B4GALT2: variants seen among roughly 807,000 people sequenced by gnomAD.
B4GALT2 encodes N-acetyllactosamine synthase.
B4GALT2 carries 18 observed loss-of-function variants against 33.2 expected under a neutral mutation model. That is an observed-to-expected ratio of 0.54 (90% confidence interval 0.38 to 0.80). The LOEUF (loss-of-function observed/expected upper bound fraction) is 0.80, where lower values mean the gene tolerates loss of function less well. Ranked by LOEUF, B4GALT2 falls within the 30% of genes least tolerant of loss-of-function variation. B4GALT2 has a pLI of 0.00. For synonymous variants in B4GALT2, 214 were observed against 217.6 expected (o/e 0.98, Z 0.15); for missense variants, 404 against 526.2 (o/e 0.77, Z 2.27).
Position 43,980,471 on chromosome 1 carries a change from C to T in B4GALT2, c.-52-638C>T, listed in dbSNP as rs141307333. On this transcript the variant is annotated intron_variant, in intron 1 of 6. Coordinates refer to ENST00000372324, the MANE Select transcript of B4GALT2 (RefSeq NM_003780.5). ...TGTAAACATCCAGTCTGTATTTGGG[C>T]CCCCCGGATGCTGAGGGCAACTTCC... 198 of 844,606 alleles carry T rather than the reference C, an allele frequency of 2.3e-4. 1 individual carries two copies. The East Asian group carries it at 0.021, about 90-fold the overall frequency. 52.3% of individuals were successfully genotyped at this position (844,606 alleles called of 1,614,324 possible).
rs1246904715 is a variant in B4GALT2 at position 43,984,340 on chromosome 1, C to T, written c.550-525C>T. On this transcript the variant is annotated intron_variant, in intron 3 of 6. Coordinates refer to ENST00000372324, the MANE Select transcript of B4GALT2 (RefSeq NM_003780.5). The surrounding 1 kb of genome is among the most constrained non-coding windows in gnomAD (Gnocchi z 5.6). ...TTGTCTCACTGCATGACTCTATACACAGCAGGGAGGGGACCAGGGCTGGCC... is the reference window on the plus strand; with the variant it reads ...TTGTCTCACTGCATGACTCTATACATAGCAGGGAGGGGACCAGGGCTGGCC... Among the ~76,000 whole-genome samples the T allele has an allele frequency of 6.6e-6, 1 of 152,246 alleles. No individual in the cohort carries two copies. Among genetic ancestry groups the T allele is most frequent in the Non-Finnish European group, 1.5e-5 (1 of 68,042 alleles).
At chr1:43,985,450 G>A (rs755037097) in intron 5 of B4GALT2, 50 bp downstream of exon 5, 3 of 822,514 alleles carry the variant, frequency 3.6e-6, no homozygotes, top group African/African-American at 2.0e-5. Context: ...GGGAGGGGGG[G>A]TGCAGACTGG....
chr1:43,990,595 T>A lies in B4GALT2; in HGVS notation c.*147T>A. ...CTTCACTAGGCCCCCTAGCTACACC[T>A]GGAAGTTTCAGAACCCACTTTGGGG... On this transcript the variant is annotated 3_prime_UTR_variant, in exon 7 of 7. Coordinates refer to ENST00000372324, the MANE Select transcript of B4GALT2 (RefSeq NM_003780.5). 8.3e-7 allele frequency: 1 copy of A among 1,204,600 alleles called. No homozygotes were observed. The highest frequency in any genetic ancestry group is 1.1e-6 in the Non-Finnish European group (1 of 872,980). The allele number at this position is 1,204,600 out of a possible 1,614,324, so 74.6% of individuals were successfully genotyped here. A position where few individuals can be genotyped will look rare whatever the true frequency, so the allele number is the denominator to read the frequency against.
chr1:43,979,877 G>A lies in B4GALT2; in HGVS notation c.-53+366G>A, dbSNP rs1417978892. 2 of 970,128 alleles carry A rather than the reference G, an allele frequency of 2.1e-6. No individual in the cohort carries two copies. The highest frequency in any genetic ancestry group is 5.7e-5 in the East Asian group (2 of 34,826). 60.1% of individuals were successfully genotyped at this position (970,128 alleles called of 1,614,324 possible). A position where few individuals can be genotyped will look rare whatever the true frequency, so the allele number is the denominator to read the frequency against. ...CGGCCTGCCCGTCCGCGGGTGCCAC[G>A]TGTTCAGCCTGCCAGCCCCGCCCAA... On this transcript the variant is annotated intron_variant, in intron 1 of 6. Transcript: ENST00000372324. The surrounding 1 kb of genome is among the most constrained non-coding windows in gnomAD (Gnocchi z 4.8).
Position 43,985,613 on chromosome 1 carries a change from C to G in B4GALT2, c.960C>G (p.Asn320Lys). The stretch of plus-strand genomic sequence containing the variant: ...ACCGCGACAAGCATAACGAACCTAA[C>G]CCTCAGAGGTGACCCCAGCACCCTC... ...KHDRDKHNEP[N>K]PQRFTKIQNT... is the part of the protein sequence containing the mutation. Residue 320 changes from asparagine (N) to lysine (K), a missense_variant, in exon 6 of 7, where the codon AAC becomes AAG. Coordinates refer to ENST00000372324, the MANE Select transcript of B4GALT2 (RefSeq NM_003780.5). 1 of 1,613,960 alleles carries G rather than the reference C, an allele frequency of 6.2e-7. No individual in the cohort carries two copies. The highest frequency in any genetic ancestry group is 8.5e-7 in the Non-Finnish European group (1 of 1,179,970).
chr1:43,979,976 TG>T lies in B4GALT2; in HGVS notation c.-53+468del. 4.6e-6 allele frequency: 7 copies of T among 1,528,256 alleles called. No homozygotes were observed. The highest frequency in any genetic ancestry group is 4.4e-6 in the Non-Finnish European group (5 of 1,143,120). 94.7% of individuals were successfully genotyped at this position (1,528,256 alleles called of 1,614,324 possible). On this transcript the variant is annotated intron_variant, in intron 1 of 6. Coordinates refer to ENST00000372324, the MANE Select transcript of B4GALT2 (RefSeq NM_003780.5). This position sits in a 1 kb window ranked among gnomAD's most constrained non-coding sequence, Gnocchi z 4.8. The stretch of plus-strand genomic sequence containing the variant: ...GAGGGAGGGTGGGAATGTCTGCACG[TG>T]GGTCTGGGTGTGAGCTGTCTGAGAG...
In B4GALT2 at chr1:43,985,626, C is replaced by G; in HGVS notation, c.968+5C>G. 3 of 1,613,410 alleles carry G rather than the reference C, an allele frequency of 1.9e-6. No individual in the cohort carries two copies. Among genetic ancestry groups the G allele is most frequent in the Non-Finnish European group, 2.5e-6 (3 of 1,179,554 alleles). On this transcript the variant is annotated splice_donor_5th_base_variant and intron_variant, in intron 6 of 6. Coordinates refer to ENST00000372324, the MANE Select transcript of B4GALT2 (RefSeq NM_003780.5). ...TAACGAACCTAACCCTCAGAGGTGA[C>G]CCCAGCACCCTCACCCCTTACTCCC...
intron 6 of B4GALT2, among the ~76,000 whole-genome samples, chr1:43,988,077 C>T (rs924040089): frequency 2.0e-5 from 3 of 152,172 alleles, no homozygotes; most frequent in Non-Finnish European, 4.4e-5. Flanking sequence ...CAGCCTGGCA[C>T]ATGGTGGTGC....
At position 43,985,070 on chromosome 1, in the gene B4GALT2, C is replaced by T; in HGVS notation, c.740+15C>T. ...TTTGGCTTCCGGTGAGGGCTCTCTT[C>T]TCAGCTGGACCCAGCCCTCCTGCCC... is the stretch of plus-strand genomic sequence containing the variant. On this transcript the variant is annotated intron_variant, in intron 4 of 6. Transcript: ENST00000372324. 6.2e-7 allele frequency: 1 copy of T among 1,612,078 alleles called. No individual in the cohort carries two copies. Among genetic ancestry groups the T allele is most frequent in the Non-Finnish European group, 8.5e-7 (1 of 1,178,912 alleles).
chr1:43,979,908 C>G lies in B4GALT2; in HGVS notation c.-53+397C>G. The G allele has an allele frequency of 2.2e-6, 3 of 1,357,392 alleles. No homozygotes were observed. In the South Asian group the frequency reaches 3.9e-5, roughly 18 times the overall value. 84.1% of individuals were successfully genotyped at this position (1,357,392 alleles called of 1,614,324 possible). ...AGCCTGCCAGCCCCGCCCAAACGCA[C>G]CCCTCAGCCTGGCCGCCAGCCTGAC... is the stretch of plus-strand genomic sequence containing the variant. On this transcript the variant is annotated intron_variant, in intron 1 of 6. Coordinates refer to ENST00000372324, the MANE Select transcript of B4GALT2 (RefSeq NM_003780.5). This position sits in a 1 kb window ranked among gnomAD's most constrained non-coding sequence, Gnocchi z 4.8.
chr1:43,980,529 C>T (rs1022609113), intron 1 of B4GALT2: 55 of 994,394 alleles, frequency 5.5e-5, no homozygotes, highest in East Asian at 1.1e-4. Flanking sequence ...GCCTGCTTGT[C>T]GCTGGGATCT....
chr1:43,980,617 A>G lies in B4GALT2; in HGVS notation c.-52-492A>G, dbSNP rs989548823. On this transcript the variant is annotated intron_variant, in intron 1 of 6. Coordinates refer to ENST00000372324, the MANE Select transcript of B4GALT2 (RefSeq NM_003780.5). Reference sequence around the variant, plus strand: ...TGAGTATAAAGTGCTCCTGCATGGTAGGTGCACAGTATTCCGTCTCTTCCC... The same window carrying G: ...TGAGTATAAAGTGCTCCTGCATGGTGGGTGCACAGTATTCCGTCTCTTCCC... 5.3e-5 allele frequency: 52 copies of G among 985,948 alleles called. No homozygotes were observed. In the African/African-American group the frequency reaches 7.2e-4, roughly 14 times the overall value. 61.1% of individuals were successfully genotyped at this position (985,948 alleles called of 1,614,324 possible).
rs1235549171 is a variant in B4GALT2, at chr1:43,981,213, T to G, written c.53T>G (p.Leu18Arg). The stretch of plus-strand genomic sequence containing the variant: ...GAGCGCGTCTGCAAGGCTGTGCTCC[T>G]TCTCTGCCTGCTGCACTTCCTCGTG... Reference protein sequence around the residue: ...TLERVCKAVLLLCLLHFLVAV... With the variant: ...TLERVCKAVLRLCLLHFLVAV... Residue 18 changes from leucine to arginine, a missense_variant, in exon 2 of 7, where the codon CTT becomes CGT. By Grantham distance (102) the Leu-to-Arg change is moderately radical. Transcript: ENST00000372324. This position sits in a 1 kb window ranked among gnomAD's most constrained non-coding sequence, Gnocchi z 8.1. 6.2e-7 allele frequency: 1 copy of G among 1,603,936 alleles called. No homozygotes were observed. Among genetic ancestry groups the G allele is most frequent in the Non-Finnish European group, 8.5e-7 (1 of 1,179,882 alleles).
Position 43,984,333 on chromosome 1 carries a change from C to G in B4GALT2, c.550-532C>G, listed in dbSNP as rs963663230. On this transcript the variant is annotated intron_variant, in intron 3 of 6. Transcript: ENST00000372324. The surrounding 1 kb of genome is among the most constrained non-coding windows in gnomAD (Gnocchi z 5.6). Reference sequence around the variant, plus strand: ...TCGTTGTTTGTCTCACTGCATGACTCTATACACAGCAGGGAGGGGACCAGG... The same window carrying G: ...TCGTTGTTTGTCTCACTGCATGACTGTATACACAGCAGGGAGGGGACCAGG... 6.6e-6 allele frequency among the ~76,000 whole-genome samples: 1 copy of G among 152,346 alleles called. No individual in the cohort carries two copies. Among genetic ancestry groups the G allele is most frequent in the Non-Finnish European group, 1.5e-5 (1 of 68,020 alleles).
intron 6 of B4GALT2, among the ~76,000 whole-genome samples, chr1:43,986,631 C>T (rs746861455): frequency 2.0e-5 from 3 of 152,106 alleles, no homozygotes; most frequent in South Asian, 2.1e-4. Flanking sequence ...GGGAAAGTCA[C>T]GTCTGGATGT....
chr1:43,984,646 G>T lies in B4GALT2; in HGVS notation c.550-219G>T, dbSNP rs778952073. Among the ~76,000 whole-genome samples the T allele has an allele frequency of 6.6e-6, 1 of 152,194 alleles. No homozygotes were observed. Among genetic ancestry groups the T allele is most frequent in the South Asian group, 2.1e-4 (1 of 4,832 alleles). On this transcript the variant is annotated intron_variant, in intron 3 of 6. Coordinates refer to ENST00000372324, the MANE Select transcript of B4GALT2 (RefSeq NM_003780.5). The surrounding 1 kb of genome is among the most constrained non-coding windows in gnomAD (Gnocchi z 5.6). The stretch of plus-strand genomic sequence containing the variant: ...GAGGGATGTTGTGTGGCTGGGCCTC[G>T]GGACCTGAGGGCAGTGGCCAGAGAG...
chr1:43,990,184 T>C, intron 6 of B4GALT2, 114 bp from the exon 7 acceptor site: 1 of 1,354,500 alleles, frequency 7.4e-7, no homozygotes, highest in Non-Finnish European at 1.0e-6. Context: ...TTTTTAAGGT[T>C]CCCTGGGGTC....
rs1165527278 is a variant in B4GALT2, at chr1:43,979,427, T to A, written c.-137T>A. ...GGCGGGAGGCGGCGGGGCCGGGCCA[T>A]GGGGGACGGAACCGTCCGCAGCCGC... On this transcript the variant is annotated 5_prime_UTR_variant, in exon 1 of 7. The change abolishes an upstream ATG in the 5' untranslated region. Coordinates refer to ENST00000372324, the MANE Select transcript of B4GALT2 (RefSeq NM_003780.5). This position sits in a 1 kb window ranked among gnomAD's most constrained non-coding sequence, Gnocchi z 4.8. The A allele has an allele frequency of 1.3e-5, 2 of 150,272 alleles. No homozygotes were observed. Among genetic ancestry groups the A allele is most frequent in the Non-Finnish European group, 3.0e-5 (2 of 67,224 alleles). The allele number at this position is 150,272 out of a possible 1,614,324, so 9.3% of individuals were successfully genotyped here.
rs753390618 is a variant in B4GALT2 at position 43,985,014 on chromosome 1, A to G, written c.699A>G (p.Gln233=). The change falls in exon 4 of 7, where the codon CAA becomes CAG. Residue 233 remains glutamine (Q), a synonymous_variant. Transcript: ENST00000372324. ...GCAACCTATACCGCTGCGGCGACCA[A>G]CCCCGCCACTTTGCCATTGCCATGG... ...DDRNLYRCGD[Q]PRHFAIAMDK... is the part of the protein sequence containing the mutation. The G allele has an allele frequency of 1.3e-5, 21 of 1,577,134 alleles. No individual in the cohort carries two copies. The highest frequency in any genetic ancestry group is 2.7e-5 in the African/African-American group (2 of 73,512).
Sources: allele counts gnomAD v4.1 joint callset (sites outside exome capture counted in the v4.1 genomes callset), GRCh38; gene constraint gnomAD v4.1.1; non-coding constraint Gnocchi (gnomAD v3.1); transcripts MANE v1.5; gene names NCBI Gene and HGNC (gene_info 2026-07-23, HGNC 2026-07-21).